DOCK4: variants seen among roughly 807,000 people sequenced by gnomAD.
DOCK4 encodes dedicator of cytokinesis 4.
A neutral mutation model predicts 268.1 loss-of-function variants in DOCK4; 97 were observed. The observed-to-expected ratio is 0.36, with a 90% CI of 0.31 to 0.43. DOCK4 has a LOEUF of 0.43. Among genes scored for constraint, DOCK4 ranks in the 20% least tolerant of loss-of-function variants. The pLI is 1.00. For missense variants in DOCK4, 2,145 were observed against 2,455.7 expected, an observed-to-expected ratio of 0.87 and a Z score of 2.67; for synonymous variants, 954 against 887.2, an observed-to-expected ratio of 1.08 and a Z score of -1.34.
At chr7:111,833,977 C>T (rs1395845084) in intron 26 of DOCK4, among the ~76,000 whole-genome samples, 2 of 152,146 alleles carry the variant, frequency 1.3e-5, no homozygotes, top group African/African-American at 4.8e-5. Flanking sequence ...CATATCATTC[C>T]TCCAACTAAG....
At chr7:111,938,012 A>C (rs1000562004) in intron 11 of DOCK4, among the ~76,000 whole-genome samples, 2 of 152,230 alleles carry the variant, frequency 1.3e-5, no homozygotes. Flanking sequence ...ATTTCAAATA[A>C]ACTACGTTTT....
At chr7:112,162,236 G>C (rs1459517828) in intron 1 of DOCK4, among the ~76,000 whole-genome samples, 1 of 152,078 alleles carries the variant, frequency 6.6e-6, no homozygotes, top group Non-Finnish European at 1.5e-5. Context: ...TCATTTGCCT[G>C]GAGTGGAAGT....
intron 1 of DOCK4, among the ~76,000 whole-genome samples, chr7:112,140,760 A>G (rs566493234): frequency 7.9e-5 from 12 of 152,228 alleles, no homozygotes; most frequent in Middle Eastern, 3.4e-3. Context: ...AGAATCAAAG[A>G]AGGCTTTGGG....
intron 17 of DOCK4, among the ~76,000 whole-genome samples, chr7:111,875,968 C>G (rs1586240561): frequency 6.6e-6 from 1 of 152,236 alleles, no homozygotes; most frequent in African/African-American, 2.4e-5. Flanking sequence ...CCCACACACA[C>G]CTAATCCACA....
intron 1 of DOCK4, among the ~76,000 whole-genome samples, chr7:112,094,048 T>G (rs1422336143): frequency 1.3e-5 from 2 of 152,122 alleles, no homozygotes; most frequent in Non-Finnish European, 2.9e-5. Context: ...TAATGGCAGC[T>G]GATTGGCAAA....
At chr7:111,751,310 T>G (rs888020527) in intron 42 of DOCK4, among the ~76,000 whole-genome samples, 2 of 152,174 alleles carry the variant, frequency 1.3e-5, no homozygotes, top group Non-Finnish European at 2.9e-5. Context: ...AGTCTTTAGT[T>G]TCTTCAATAA....
At chr7:112,024,165 T>C (rs562467942) in intron 1 of DOCK4, among the ~76,000 whole-genome samples, 1 of 152,180 alleles carries the variant, frequency 6.6e-6, no homozygotes, top group Admixed American at 6.5e-5. Flanking sequence ...AATGACTTCA[T>C]AAAAATAATC....
At chr7:111,959,760 T>C (rs981000849) in intron 8 of DOCK4, among the ~76,000 whole-genome samples, 18 of 152,218 alleles carry the variant, frequency 1.2e-4, no homozygotes, top group African/African-American at 4.3e-4. Flanking sequence ...CCTCACCCAT[T>C]GGAAGCTATG....
intron 12 of DOCK4, among the ~76,000 whole-genome samples, chr7:111,929,061 T>C (rs1285114005): frequency 1.3e-5 from 2 of 152,182 alleles, no homozygotes; most frequent in Admixed American, 6.5e-5. Flanking sequence ...ATGTCTGCAA[T>C]TTGTTCTCAG....
At chr7:111,968,398 A>G (rs1164534878) in intron 8 of DOCK4, among the ~76,000 whole-genome samples, 2 of 78,114 alleles carry the variant, frequency 2.6e-5, no homozygotes, top group Non-Finnish European at 2.2e-5. Flanking sequence ...AAGTGGGCGA[A>G]GGACATGAAC....
At chr7:112,164,100 T>A (rs1180320308) in intron 1 of DOCK4, among the ~76,000 whole-genome samples, 1 of 151,994 alleles carries the variant, frequency 6.6e-6, no homozygotes, top group African/African-American at 2.4e-5. Flanking sequence ...CTGGACAACA[T>A]AGAGAAACAC....
intron 1 of DOCK4, among the ~76,000 whole-genome samples, chr7:112,105,284 G>A (rs1228712977): frequency 1.3e-5 from 2 of 152,072 alleles, no homozygotes; most frequent in Non-Finnish European, 2.9e-5. Flanking sequence ...ATAGGAATAT[G>A]TTTAGGGAAA....
Position 112,147,556 on chromosome 7 carries a change from T to C in DOCK4, c.37+58546A>G, listed in dbSNP as rs566132786. ...TTGTTTTCAGCCTTTGCCCAATACCTCAAAATACCCTCAAAGGTATTTCCT... is the reference window on the plus strand; with the variant it reads ...TTGTTTTCAGCCTTTGCCCAATACCCCAAAATACCCTCAAAGGTATTTCCT... On this transcript the variant is annotated intron_variant, in intron 1 of 52. Transcript: ENST00000428084. Among the ~76,000 whole-genome samples the C allele has an allele frequency of 2.1e-3, 326 of 152,256 alleles. 2 individuals carry two copies. Among genetic ancestry groups the C allele is most frequent in the African/African-American group, 7.5e-3 (312 of 41,544 alleles).
chr7:111,760,922 T>C (rs1308398749), intron 39 of DOCK4, among the ~76,000 whole-genome samples: 1 of 152,092 alleles, frequency 6.6e-6, no homozygotes, highest in Non-Finnish European at 1.5e-5. Flanking sequence ...TCTCTGACAT[T>C]TTAATGATAA....
chr7:111,788,228 TGAA>T (rs1336930387), intron 32 of DOCK4, among the ~76,000 whole-genome samples: 2 of 152,230 alleles, frequency 1.3e-5, no homozygotes, highest in Admixed American at 1.3e-4. Flanking sequence ...AATCAGGTGT[TGAA>T]GAACAGATGC....
In DOCK4 at chr7:111,902,427, T is replaced by G. The variant is rs575789413; in HGVS notation, c.1193-626A>C. On this transcript the variant is annotated intron_variant, in intron 13 of 52. Transcript: ENST00000428084. ...CCTATATTCAAATAGACACATTCTA[T>G]GTACATATATACTGTCGATTTTTTC... is the stretch of plus-strand genomic sequence containing the variant. Among the ~76,000 whole-genome samples, 44 of 152,334 alleles carry G rather than the reference T, an allele frequency of 2.9e-4. 1 individual carries two copies. In the South Asian group the frequency reaches 7.7e-3, roughly 27 times the overall value.
At chr7:112,103,494 A>T (rs1810867471) in intron 1 of DOCK4, among the ~76,000 whole-genome samples, 1 of 152,230 alleles carries the variant, frequency 6.6e-6, no homozygotes, top group Admixed American at 6.5e-5. Flanking sequence ...TAGGCAAATT[A>T]GGGCTGCAGT....
intron 13 of DOCK4, among the ~76,000 whole-genome samples, chr7:111,913,405 A>G (rs1015803622): frequency 6.8e-6 from 1 of 147,240 alleles, no homozygotes; most frequent in African/African-American, 2.5e-5. Flanking sequence ...TCCCATCTTT[A>G]CAATTTTTTT....
intron 39 of DOCK4, among the ~76,000 whole-genome samples, chr7:111,761,919 T>G (rs1339149771): frequency 2.6e-5 from 4 of 152,218 alleles, no homozygotes; most frequent in Non-Finnish European, 4.4e-5. Flanking sequence ...ACTCAAAAGA[T>G]AATTAATTTG....
Sources: gnomAD v4.1 joint callset for allele counts (sites outside exome capture counted in the v4.1 genomes callset) on GRCh38, gnomAD v4.1.1 for gene constraint, MANE v1.5 for transcripts, NCBI Gene and HGNC (gene_info 2026-07-23, HGNC 2026-07-21) for gene names.